DNAAF1: variants seen among roughly 807,000 people sequenced by gnomAD.
DNAAF1 encodes dynein assembly factor 1, axonemal.
DNAAF1 carries 65 observed loss-of-function variants against 71.1 expected under a neutral mutation model. That is an observed-to-expected ratio of 0.91 (90% CI 0.75 to 1.12). The LOEUF (loss-of-function observed/expected upper bound fraction) is 1.12, where lower values mean the gene tolerates loss of function less well. DNAAF1 is among the 50% of genes most tolerant of loss of function. The probability of loss-of-function intolerance (pLI) is 0.00; values close to 1 mark genes in which losing one functional copy is unlikely to be tolerated. For synonymous variants in DNAAF1, 414 were observed against 354.6 expected (o/e 1.17, Z -1.88); for missense variants, 1,178 against 899.8 (o/e 1.31, Z -3.96).
At chr16:84,167,373 C>G (rs767807846) in intron 7 of DNAAF1, among the ~76,000 whole-genome samples, 1 of 152,114 alleles carries the variant, frequency 6.6e-6, no homozygotes, top group Admixed American at 6.5e-5. Context: ...TTTCCAGAAG[C>G]TCCAGCACGT....
At chr16:84,176,936 C>T (rs1177029893) in intron 11 of DNAAF1, 5 of 167,064 alleles carry the variant, frequency 3.0e-5, no homozygotes, top group East Asian at 3.2e-4. Context: ...CTGGCAGATG[C>T]GGTTTTGGGG....
intron 1 of DNAAF1, among the ~76,000 whole-genome samples, chr16:84,148,144 C>T (rs2087003590): frequency 6.6e-6 from 1 of 152,058 alleles, no homozygotes; most frequent in Non-Finnish European, 1.5e-5. Flanking sequence ...GTTTCTAATC[C>T]CATTCCTTTC....
chr16:84,148,596 C>CTCTTTTTTTTTTTTTTTT, intron 1 of DNAAF1, among the ~76,000 whole-genome samples: 2 of 43,576 alleles, frequency 4.6e-5, no homozygotes, highest in Non-Finnish European at 8.3e-5. Flanking sequence ...CTCTCTCTCT[C>CTCTTTTTTTTTTTTTTTT]TTTTTTTTTT....
chr16:84,155,794 C>A, intron 5 of DNAAF1, 45 bp downstream of exon 5: 2 of 1,606,514 alleles, frequency 1.2e-6, no homozygotes, highest in Middle Eastern at 1.7e-4. Flanking sequence ...CACAGGAAAC[C>A]GCTTCTATTA....
At chr16:84,150,647 G>A (rs1266844861) in intron 3 of DNAAF1, among the ~76,000 whole-genome samples, 2 of 106,834 alleles carry the variant, frequency 1.9e-5, no homozygotes, top group Non-Finnish European at 3.6e-5. Context: ...ATGGTGTCTT[G>A]CTCTGTTGCC....
At chr16:84,156,165 G>A (rs2087418082) in intron 5 of DNAAF1, among the ~76,000 whole-genome samples, 1 of 152,102 alleles carries the variant, frequency 6.6e-6, no homozygotes, top group Admixed American at 6.5e-5. Flanking sequence ...GTTTCATCAT[G>A]TTGTCCAGGC....
At chr16:84,174,839 A>C in intron 10 of DNAAF1, 117 bp downstream of exon 10, 1 of 1,278,526 alleles carries the variant, frequency 7.8e-7, no homozygotes. Flanking sequence ...TAAAGCATTG[A>C]ATTCCCCCAT....
rs74436311 is a variant in DNAAF1, at chr16:84,152,075, G to T, written c.352+1733G>T. ...GGGGCGCAGGGCCTGTGGGCCAGAT[G>T]CCTTGGAATGGTCAAGGGCTAAGAG... On this transcript the variant is annotated intron_variant, in intron 3 of 11. Transcript: ENST00000378553. 9.0e-3 allele frequency among the ~76,000 whole-genome samples: 1,372 copies of T among 152,350 alleles called. 22 individuals carry two copies. Among genetic ancestry groups the T allele is most frequent in the African/African-American group, 0.031 (1,305 of 41,578 alleles).
chr16:84,175,619 G>C (rs2088611481), intron 10 of DNAAF1: 2 of 395,624 alleles, frequency 5.1e-6, no homozygotes, highest in East Asian at 5.7e-5. Context: ...GTCTGTGAAG[G>C]AAACGGGGTT....
intron 4 of DNAAF1, 29 bp downstream of exon 4, chr16:84,154,827 G>C: frequency 6.4e-7 from 1 of 1,550,884 alleles, no homozygotes; most frequent in Non-Finnish European, 8.9e-7. Flanking sequence ...CAGTGTGTCT[G>C]TTTGCCATAT....
At chr16:84,162,293 C>G (rs1357783174) in intron 6 of DNAAF1, 1 of 152,082 alleles carries the variant, frequency 6.6e-6, no homozygotes, top group Admixed American at 6.6e-5. Flanking sequence ...ACATACCATA[C>G]AGTTTACGTA....
At chr16:84,156,705 G>A (rs1382818046) in intron 5 of DNAAF1, among the ~76,000 whole-genome samples, 1 of 152,150 alleles carries the variant, frequency 6.6e-6, no homozygotes, top group Admixed American at 6.5e-5. Flanking sequence ...TAGCTAGAAT[G>A]CTTCTACACT....
chr16:84,160,199 G>T (rs569052312), intron 6 of DNAAF1, among the ~76,000 whole-genome samples: 3 of 152,222 alleles, frequency 2.0e-5, no homozygotes, highest in Non-Finnish European at 4.4e-5. Flanking sequence ...CAAGTTTGTT[G>T]ATGGGTGAAG....
At chr16:84,162,195 A>G (rs934607309) in intron 6 of DNAAF1, 3 of 152,312 alleles carry the variant, frequency 2.0e-5, no homozygotes, top group African/African-American at 7.2e-5. Flanking sequence ...TACAGCAGGG[A>G]TCTGCTTCTT....
chr16:84,169,724 T>G, intron 7 of DNAAF1, 135 bp from the exon 8 acceptor site: 1 of 1,322,612 alleles, frequency 7.6e-7, no homozygotes, highest in Non-Finnish European at 1.1e-6. Context: ...CCCAGCCCCT[T>G]GAGGACACTT....
intron 10 of DNAAF1, 173 bp from the exon 11 acceptor site, chr16:84,175,760 G>T (rs1227038197): frequency 1.3e-6 from 1 of 754,256 alleles, no homozygotes; most frequent in Non-Finnish European, 2.2e-6. Flanking sequence ...TGCCCAGGGA[G>T]TGGCCACCCC....
chr16:84,149,222 A>T (rs978222292), intron 2 of DNAAF1, 80 bp downstream of exon 2: 1 of 1,562,914 alleles, frequency 6.4e-7, no homozygotes, highest in Middle Eastern at 1.7e-4. Context: ...CGGATAATGA[A>T]ATAGAGGCTG....
At position 84,166,037 on chromosome 16, in the gene DNAAF1, A is replaced by AT. The variant is rs58906103; in HGVS notation, c.1030+115dup. On this transcript the variant is annotated intron_variant, in intron 7 of 11. Coordinates refer to ENST00000378553, the MANE Select transcript of DNAAF1 (RefSeq NM_178452.6). ...TCAAACCCAGTCTTTAATCTTGGGA[A>AT]TTTTTTTTTTTTTTTTTTTTTTTTT... is the stretch of plus-strand genomic sequence containing the variant. The AT allele has an allele frequency of 0.029, 30,877 of 1,069,108 alleles. 399 individuals are homozygous for AT. Among genetic ancestry groups the AT allele is most frequent in the Non-Finnish European group, 0.032 (25,001 of 770,212 alleles). 66.2% of individuals were successfully genotyped at this position (1,069,108 alleles called of 1,614,324 possible). A position where few individuals can be genotyped will look rare whatever the true frequency, so the allele number is the denominator to read the frequency against.
chr16:84,173,235 G>A lies in DNAAF1; in HGVS notation c.1644+860G>A, dbSNP rs961230504. 3.8e-5 allele frequency: 36 copies of A among 950,074 alleles called. No homozygotes were observed. The African/African-American group carries it at 5.5e-4, about 15-fold the overall frequency. The allele number at this position is 950,074 out of a possible 1,614,324, so 58.9% of individuals were successfully genotyped here. ...TCCCAGCACTTTGGGAGGCCGAGGT[G>A]GCTGGATCACGAGGTCAGGAGATCG... On this transcript the variant is annotated intron_variant, in intron 9 of 11. Coordinates refer to ENST00000378553, the MANE Select transcript of DNAAF1 (RefSeq NM_178452.6).
Sources: allele counts gnomAD v4.1 joint callset (sites outside exome capture counted in the v4.1 genomes callset), GRCh38; gene constraint gnomAD v4.1.1; transcripts MANE v1.5; gene names NCBI Gene and HGNC (gene_info 2026-07-23, HGNC 2026-07-21).